The following ARAP2 variants were observed in gnomAD, a reference collection of about 807,000 sequenced individuals.
ARAP2 encodes the protein ArfGAP with RhoGAP domain, ankyrin repeat and PH domain 2.
Under a neutral mutation model 194.5 loss-of-function variants are expected in ARAP2, and 148 were observed. That is an observed-to-expected ratio of 0.76 (90% CI 0.67 to 0.87). ARAP2 has a LOEUF of 0.87. Ranked by LOEUF, ARAP2 falls within the 40% of genes least tolerant of loss-of-function variation. ARAP2 has a pLI of 0.00. For missense variants in ARAP2, 2,128 were observed against 1,989.7 expected (o/e 1.07, Z -1.32); for synonymous variants, 695 against 683.5 (o/e 1.02, Z -0.26).
chr4:36,164,805 G>A, intron 11 of ARAP2, 109 bp downstream of exon 11: 1 of 1,051,438 alleles, frequency 9.5e-7, no homozygotes, highest in East Asian at 2.4e-5. Context: ...AGCTTTCTCT[G>A]GTTTTACTTC....
chr4:36,080,000 C>T (rs545086500), intron 31 of ARAP2, among the ~76,000 whole-genome samples: 11 of 152,180 alleles, frequency 7.2e-5, no homozygotes, highest in African/African-American at 2.4e-4. Flanking sequence ...GCAGAAAAGA[C>T]GCTTTAATGG....
chr4:36,204,690 A>G (rs1222753295), intron 6 of ARAP2, among the ~76,000 whole-genome samples: 1 of 152,166 alleles, frequency 6.6e-6, no homozygotes, highest in African/African-American at 2.4e-5. Flanking sequence ...GAGTACACAT[A>G]TTAAAAATTA....
intron 8 of ARAP2, among the ~76,000 whole-genome samples, chr4:36,180,827 G>A (rs1439461660): frequency 6.6e-6 from 1 of 152,196 alleles, no homozygotes; most frequent in Admixed American, 6.5e-5. Flanking sequence ...TTACTAATAG[G>A]AAGTAAACAG....
chr4:36,078,393 T>C (rs1327367646), intron 31 of ARAP2, among the ~76,000 whole-genome samples: 2 of 152,156 alleles, frequency 1.3e-5, no homozygotes, highest in African/African-American at 2.4e-5. Flanking sequence ...GTGGAAAGGA[T>C]GGAGATTACA....
At chr4:36,086,858 C>G (rs934346112) in intron 28 of ARAP2, among the ~76,000 whole-genome samples, 1 of 152,066 alleles carries the variant, frequency 6.6e-6, no homozygotes, top group Non-Finnish European at 1.5e-5. Flanking sequence ...AAACCTCTCC[C>G]CTTTTATGTA....
At chr4:36,226,227 A>C (rs1750275498) in intron 2 of ARAP2, among the ~76,000 whole-genome samples, 1 of 152,270 alleles carries the variant, frequency 6.6e-6, no homozygotes, top group East Asian at 1.9e-4. Context: ...TCCACTCTCA[A>C]AGACTCAGTC....
chr4:36,075,923 C>T (rs997195352), intron 31 of ARAP2, among the ~76,000 whole-genome samples: 1 of 152,152 alleles, frequency 6.6e-6, no homozygotes. Context: ...GGTTTCCTCA[C>T]TCTCTGAAGA....
rs1297361964 is a variant in ARAP2 at position 36,213,283 on chromosome 4, TA to T, written c.1000del (p.Tyr334MetfsTer10). On this transcript the variant is annotated frameshift_variant, in exon 4 of 33. Coordinates refer to ENST00000303965, the MANE Select transcript of ARAP2 (RefSeq NM_015230.4). LOFTEE classifies it high-confidence loss of function. ...TCTCTGGAAGAGAAAGGTCTCTCCA[TA>T]AGGAAAGATGGAAGATGAATTCTCC... Reference protein sequence around the residue: ...NEENSSSIFPYGETFLFQRLE... With the variant: ...NEENSSSIFPXGETFLFQRLE... The T allele has an allele frequency of 6.2e-7, 1 of 1,608,396 alleles. No individual in the cohort carries two copies. The highest frequency in any genetic ancestry group is 1.1e-5 in the South Asian group (1 of 90,824).
chr4:36,210,953 C>A (rs1746623883), intron 5 of ARAP2, among the ~76,000 whole-genome samples: 2 of 152,060 alleles, frequency 1.3e-5, no homozygotes, highest in Admixed American at 1.3e-4. Context: ...AATACTACTA[C>A]AAGTTTTTTC....
In ARAP2 at chr4:36,133,297, T is replaced by C. The variant is rs111908421; in HGVS notation, c.3356A>G (p.Gln1119Arg). ...GTCATTTTTGCTGAGCTGCTGATCT[T>C]GTAAAGCATTACCATCTGTACCTGC... is the stretch of plus-strand genomic sequence containing the variant. ...KAAGTDGNAL[Q>R]DQQLSKNDVP... The change falls in exon 20 of 33, where the codon CAA becomes CGA. Residue 1119 changes from glutamine to arginine, a missense_variant. Coordinates refer to ENST00000303965, the MANE Select transcript of ARAP2 (RefSeq NM_015230.4). 6.2e-7 allele frequency: 1 copy of C among 1,611,452 alleles called. No individual in the cohort carries two copies. The highest frequency in any genetic ancestry group is 8.5e-7 in the Non-Finnish European group (1 of 1,178,366).
At chr4:36,070,891 A>G (rs777374402) in intron 32 of ARAP2, among the ~76,000 whole-genome samples, 21 of 152,196 alleles carry the variant, frequency 1.4e-4, no homozygotes, top group Non-Finnish European at 2.8e-4. Context: ...ATAGAAACTC[A>G]AAGAAAAAAA....
chr4:36,014,370 GAA>G (rs149314595), intron 8 of ARAP2, among the ~76,000 whole-genome samples: 7,843 of 113,014 alleles, frequency 0.069, 304 homozygotes, highest in African/African-American at 0.16. Flanking sequence ...AAGAAAGAAA[GAA>G]AGAAAGAAAG....
intron 15 of ARAP2, among the ~76,000 whole-genome samples, chr4:36,154,698 T>G (rs1416768386): frequency 6.6e-6 from 1 of 152,208 alleles, no homozygotes; most frequent in African/African-American, 2.4e-5. Context: ...AAACCTGAAC[T>G]GACAATTTGA....
At chr4:36,207,000 A>G (rs1314075174) in intron 6 of ARAP2, among the ~76,000 whole-genome samples, 1 of 152,274 alleles carries the variant, frequency 6.6e-6, no homozygotes, top group East Asian at 1.9e-4. Flanking sequence ...ACATCCTTAG[A>G]AAATAGTAAT....
chr4:36,046,514 T>C (rs1721860119), intron 4 of ARAP2, among the ~76,000 whole-genome samples: 1 of 152,056 alleles, frequency 6.6e-6, no homozygotes, highest in Non-Finnish European at 1.5e-5. Flanking sequence ...CCACTGCACC[T>C]GGCATATAGG....
At chr4:36,017,112 AAT>A (rs3055209) in intron 6 of ARAP2, among the ~76,000 whole-genome samples, 4 of 150,716 alleles carry the variant, frequency 2.7e-5, no homozygotes, top group East Asian at 1.9e-4. Flanking sequence ...TGAAAACTTA[AAT>A]ATATATATAT....
At chr4:36,162,103 G>A (rs6818714) in intron 11 of ARAP2, among the ~76,000 whole-genome samples, 85,880 of 137,320 alleles carry the variant, frequency 0.63, 25,909 homozygotes, top group East Asian at 0.84. Context: ...GCGAGACTCC[G>A]TCTCAAAAAA....
At chr4:36,172,389 A>C (rs1158432496) in intron 9 of ARAP2, among the ~76,000 whole-genome samples, 1 of 152,252 alleles carries the variant, frequency 6.6e-6, no homozygotes, top group Non-Finnish European at 1.5e-5. Context: ...TAAATAAAGC[A>C]ACATAAATTA....
intron 9 of ARAP2, among the ~76,000 whole-genome samples, chr4:36,008,816 C>T (rs771477741): frequency 6.6e-6 from 1 of 152,024 alleles, no homozygotes; most frequent in Non-Finnish European, 1.5e-5. Flanking sequence ...GGTCTATTAT[C>T]CAGAATCTAT....
Sources: gnomAD v4.1 joint callset for allele counts (sites outside exome capture counted in the v4.1 genomes callset) on GRCh38, gnomAD v4.1.1 for gene constraint, MANE v1.5 for transcripts, NCBI Gene and HGNC (gene_info 2026-07-23, HGNC 2026-07-21) for gene names.